TAFA1: variants seen among roughly 807,000 people sequenced by gnomAD.
The protein encoded by TAFA1 is chemokine-like protein TAFA-1.
Under a neutral mutation model 18.5 loss-of-function variants are expected in TAFA1, and 4 were observed. That is an observed-to-expected ratio of 0.22 (90% confidence interval 0.11 to 0.49). The LOEUF is 0.49. TAFA1 is among the 20% of genes least tolerant of loss of function. The pLI is 0.98. For synonymous variants in TAFA1, 56 were observed against 55.2 expected (o/e 1.01, Z -0.06); for missense variants, 147 against 169.0 (o/e 0.87, Z 0.72).
At chr3:68,126,929 TC>T (rs1004170039) in intron 2 of TAFA1, among the ~76,000 whole-genome samples, 5 of 152,208 alleles carry the variant, frequency 3.3e-5, no homozygotes, top group African/African-American at 1.2e-4. Flanking sequence ...TTTCATCTTT[TC>T]TAGAGGAAAA....
intron 2 of TAFA1, among the ~76,000 whole-genome samples, chr3:68,292,314 A>G (rs1326635664): frequency 1.3e-5 from 2 of 151,074 alleles, no homozygotes; most frequent in African/African-American, 4.9e-5. Flanking sequence ...CTTATTTACC[A>G]TACGTACTCC....
chr3:68,002,196 T>C (rs1353203115), upstream of TAFA1, among the ~76,000 whole-genome samples: 1 of 152,194 alleles, frequency 6.6e-6, no homozygotes, highest in Admixed American at 6.5e-5. Context: ...CAAATGATCA[T>C]TGGCTGCAAT....
chr3:68,058,769 G>A (rs2064565664), intron 2 of TAFA1, among the ~76,000 whole-genome samples: 1 of 152,110 alleles, frequency 6.6e-6, no homozygotes, highest in South Asian at 2.1e-4. Flanking sequence ...ACGTGTAAAA[G>A]CTATAGTTTT....
At chr3:68,305,960 G>T (rs930452936) in intron 2 of TAFA1, among the ~76,000 whole-genome samples, 1 of 152,206 alleles carries the variant, frequency 6.6e-6, no homozygotes, top group East Asian at 1.9e-4. Context: ...ACTTTGTATG[G>T]TGAGGCATAG....
chr3:68,400,180 G>A (rs1427811947), intron 2 of TAFA1, among the ~76,000 whole-genome samples: 1 of 152,104 alleles, frequency 6.6e-6, no homozygotes, highest in Admixed American at 6.6e-5. Flanking sequence ...GACTGAAAAT[G>A]GGGTAGGGGT....
At chr3:68,183,753 G>T (rs372110911) in intron 2 of TAFA1, among the ~76,000 whole-genome samples, 1 of 152,056 alleles carries the variant, frequency 6.6e-6, no homozygotes, top group Non-Finnish European at 1.5e-5. Flanking sequence ...TAGCATATTT[G>T]CTCCTAAGCA....
intron 2 of TAFA1, among the ~76,000 whole-genome samples, chr3:68,194,375 C>T (rs189888513): frequency 5.0e-4 from 76 of 151,556 alleles, no homozygotes; most frequent in East Asian, 4.1e-3. Context: ...TAGATTTTTC[C>T]GGTGTGCAAG....
intron 2 of TAFA1, among the ~76,000 whole-genome samples, chr3:68,165,210 T>C (rs369197532): frequency 5.9e-5 from 9 of 152,328 alleles, no homozygotes; most frequent in East Asian, 5.8e-4. Context: ...TATCAACATC[T>C]CTAACAATGA....
At chr3:68,516,159 A>C (rs2106739876) in intron 3 of TAFA1, among the ~76,000 whole-genome samples, 1 of 152,332 alleles carries the variant, frequency 6.6e-6, no homozygotes, top group African/African-American at 2.4e-5. Flanking sequence ...TGGTCCTTTA[A>C]GAATATTGTA....
intron 2 of TAFA1, among the ~76,000 whole-genome samples, chr3:68,358,065 G>T (rs1403524334): frequency 2.0e-5 from 3 of 151,738 alleles, no homozygotes; most frequent in African/African-American, 7.3e-5. Flanking sequence ...GTATTTTCAG[G>T]GAACCAACAT....
At chr3:68,062,103 T>TTCTAA (rs2064610756) in intron 2 of TAFA1, among the ~76,000 whole-genome samples, 1 of 152,218 alleles carries the variant, frequency 6.6e-6, no homozygotes, top group African/African-American at 2.4e-5. Context: ...CCAAAACCTC[T>TTCTAA]TAGTGACTAT....
Position 68,221,466 on chromosome 3 carries a change from G to A in TAFA1, c.119-195814G>A, listed in dbSNP as rs148313050. ...AGATAATATTTTCTTAAGCAAATAG[G>A]GTGGCTTGTAAGGTGCCTGTTTTGC... On this transcript the variant is annotated intron_variant, in intron 2 of 4. Transcript: ENST00000478136. 2.6e-5 allele frequency among the ~76,000 whole-genome samples: 4 copies of A among 152,188 alleles called. No individual in the cohort carries two copies. The East Asian group carries it at 7.7e-4, about 29-fold the overall frequency.
chr3:68,381,206 T>C (rs370863569), intron 2 of TAFA1, among the ~76,000 whole-genome samples: 1 of 150,804 alleles, frequency 6.6e-6, no homozygotes, highest in African/African-American at 2.4e-5. Flanking sequence ...GGTAGCATGA[T>C]GCCTCCAGCT....
intron 2 of TAFA1, among the ~76,000 whole-genome samples, chr3:68,331,502 A>G (rs896624193): frequency 4.6e-5 from 7 of 152,244 alleles, no homozygotes; most frequent in Admixed American, 3.3e-4. Flanking sequence ...TAGTAAGATA[A>G]TAGACTTTTT....
chr3:68,184,641 T>C (rs912400426), intron 2 of TAFA1, among the ~76,000 whole-genome samples: 2 of 152,110 alleles, frequency 1.3e-5, no homozygotes, highest in African/African-American at 4.8e-5. Context: ...ACACGAAAGC[T>C]CCCATTTGCT....
At chr3:68,326,378 G>A (rs1281137816) in intron 2 of TAFA1, among the ~76,000 whole-genome samples, 1 of 152,166 alleles carries the variant, frequency 6.6e-6, no homozygotes, top group African/African-American at 2.4e-5. Context: ...ATTAAGCCTG[G>A]AAAGGGAGGA....
chr3:67,994,885 A>G, the TAFA1 span, among the ~76,000 whole-genome samples: 1 of 152,176 alleles, frequency 6.6e-6, no homozygotes, highest in African/African-American at 2.4e-5. Flanking sequence ...CGTGAACTAT[A>G]GGAAAGACTT....
intron 2 of TAFA1, among the ~76,000 whole-genome samples, chr3:68,046,805 A>G (rs1364068100): frequency 6.6e-6 from 1 of 152,168 alleles, no homozygotes; most frequent in East Asian, 1.9e-4. Context: ...AGTCATCCCC[A>G]GAGACCTAGC....
intron 2 of TAFA1, among the ~76,000 whole-genome samples, chr3:68,381,257 T>C (rs2069946544): frequency 6.6e-6 from 1 of 151,642 alleles, no homozygotes; most frequent in Non-Finnish European, 1.5e-5. Flanking sequence ...ATGTGGGCTC[T>C]TTTTTGGTTC....
Sources: allele counts gnomAD v4.1 joint callset (sites outside exome capture counted in the v4.1 genomes callset), GRCh38; gene constraint gnomAD v4.1.1; transcripts MANE v1.5; gene names NCBI Gene and HGNC (gene_info 2026-07-23, HGNC 2026-07-21).